Variants in PTPRT observed in about 807,000 individuals in gnomAD.
The protein encoded by PTPRT is protein tyrosine phosphatase receptor type T.
PTPRT carries 56 observed loss-of-function variants against 176.8 expected under a neutral mutation model. That is an observed-to-expected ratio of 0.32 (90% CI 0.26 to 0.40). PTPRT has a LOEUF of 0.40. Ranked by LOEUF, PTPRT falls within the 10% of genes least tolerant of loss-of-function variation. The pLI is 1.00. For missense variants in PTPRT, 1,540 were observed against 1,908.2 expected (o/e 0.81, Z 3.60); for synonymous variants, 783 against 739.0 (o/e 1.06, Z -0.96).
intron 6 of PTPRT, among the ~76,000 whole-genome samples, chr20:42,736,369 G>A (rs985531621): frequency 3.3e-5 from 5 of 152,332 alleles, no homozygotes; most frequent in South Asian, 2.1e-4. Context: ...AAAAGATATC[G>A]TGAAGGGCTT....
At chr20:42,136,105 A>G (rs888203951) in intron 18 of PTPRT, among the ~76,000 whole-genome samples, 1 of 152,140 alleles carries the variant, frequency 6.6e-6, no homozygotes. Context: ...TAAACCTGTC[A>G]TCTCAACCCA....
intron 13 of PTPRT, among the ~76,000 whole-genome samples, chr20:42,256,489 C>CT (rs2056641786): frequency 7.3e-6 from 1 of 137,168 alleles, no homozygotes; most frequent in African/African-American, 2.5e-5. Context: ...CTGTTGCTGA[C>CT]TTTTTTTAAA....
intron 7 of PTPRT, among the ~76,000 whole-genome samples, chr20:42,536,346 A>G (rs958635982): frequency 2.6e-5 from 4 of 152,202 alleles, no homozygotes; most frequent in African/African-American, 9.6e-5. Flanking sequence ...GATATTCCCA[A>G]GAAATTAAAT....
chr20:43,030,815 G>A (rs896539789), intron 1 of PTPRT, among the ~76,000 whole-genome samples: 17 of 152,144 alleles, frequency 1.1e-4, no homozygotes, highest in East Asian at 5.8e-4. Context: ...GGTAACATGA[G>A]ATTACAACAT....
chr20:42,870,844 TTTTG>T (rs1402560953), intron 2 of PTPRT, among the ~76,000 whole-genome samples: 5 of 152,228 alleles, frequency 3.3e-5, no homozygotes, highest in East Asian at 1.9e-4. Flanking sequence ...GTTTATTTCT[TTTTG>T]TTTGTCTTTT....
At chr20:42,524,401 A>C (rs185343968) in intron 7 of PTPRT, among the ~76,000 whole-genome samples, 1 of 152,194 alleles carries the variant, frequency 6.6e-6, no homozygotes, top group East Asian at 1.9e-4. Context: ...CATACTATCA[A>C]CCATGTATGC....
At chr20:42,340,979 A>C (rs768392986) in intron 11 of PTPRT, among the ~76,000 whole-genome samples, 24 of 151,994 alleles carry the variant, frequency 1.6e-4, no homozygotes, top group Non-Finnish European at 2.6e-4. Context: ...CTGCCCCTCC[A>C]TCCTTAGTCT....
rs78307863 is a variant in PTPRT at position 43,049,248 on chromosome 20, G to T, written c.88+140398C>A. Among the ~76,000 whole-genome samples the T allele has an allele frequency of 9.5e-4, 145 of 152,252 alleles. 3 individuals carry two copies. In the East Asian group the frequency reaches 0.025, roughly 26 times the overall value. On this transcript the variant is annotated intron_variant, in intron 1 of 30. Transcript: ENST00000373187. ...CTGTCAGTGCTTTTAATAAGAAAAAGTGTATATCCTTTGGATAAAGCAGAC... is the reference window on the plus strand; with the variant it reads ...CTGTCAGTGCTTTTAATAAGAAAAATTGTATATCCTTTGGATAAAGCAGAC...
At chr20:42,658,991 T>C (rs1342205052) in intron 7 of PTPRT, among the ~76,000 whole-genome samples, 1 of 152,172 alleles carries the variant, frequency 6.6e-6, no homozygotes, top group African/African-American at 2.4e-5. Context: ...AAGAAATGTC[T>C]CAAAATTTTG....
chr20:42,867,371 C>G (rs1048576263), intron 2 of PTPRT, among the ~76,000 whole-genome samples: 1 of 132,094 alleles, frequency 7.6e-6, no homozygotes, highest in Non-Finnish European at 1.6e-5. Flanking sequence ...TTCATTTCTT[C>G]TATGTGAAAA....
intron 1 of PTPRT, among the ~76,000 whole-genome samples, chr20:42,995,719 T>C (rs907529252): frequency 1.3e-5 from 2 of 152,188 alleles, no homozygotes; most frequent in Non-Finnish European, 2.9e-5. Context: ...AGAAATCCCA[T>C]GTCTAAAAGC....
At chr20:42,952,629 C>T (rs180692182) in intron 1 of PTPRT, among the ~76,000 whole-genome samples, 1 of 152,318 alleles carries the variant, frequency 6.6e-6, no homozygotes, top group Admixed American at 6.5e-5. Context: ...TGGAACACCA[C>T]CTGGAATACA....
rs147839711 is a variant in PTPRT, at chr20:42,771,474, A to T, written c.645T>A (p.Ala215=). The change falls in exon 5 of 31, where the codon GCT becomes GCA. Residue 215 remains alanine, a synonymous_variant. Transcript: ENST00000373187. ...VGQNATFQCI[A]GGKWSQHDKL... is the part of the protein sequence containing the mutation. The stretch of plus-strand genomic sequence containing the variant: ...TGTCATGCTGAGACCACTTCCCACC[A>T]GCAATGCACTGAAATGTGGCATTCT... 4.6e-3 allele frequency: 7,488 copies of T among 1,614,094 alleles called. 23 individuals carry two copies. The highest frequency in any genetic ancestry group is 5.6e-3 in the Non-Finnish European group (6,572 of 1,179,996).
intron 1 of PTPRT, among the ~76,000 whole-genome samples, chr20:42,933,882 C>T (rs1980017774): frequency 6.6e-6 from 1 of 152,190 alleles, no homozygotes; most frequent in Non-Finnish European, 1.5e-5. Context: ...TGATTTTTCT[C>T]AACCATAATA....
At chr20:42,979,165 T>G (rs1983133296) in intron 1 of PTPRT, among the ~76,000 whole-genome samples, 1 of 152,176 alleles carries the variant, frequency 6.6e-6, no homozygotes, top group Non-Finnish European at 1.5e-5. Flanking sequence ...AAGCTAATTT[T>G]TTTTCAGATT....
intron 1 of PTPRT, among the ~76,000 whole-genome samples, chr20:42,951,440 C>T (rs1347104176): frequency 6.6e-6 from 1 of 151,910 alleles, no homozygotes; most frequent in Non-Finnish European, 1.5e-5. Context: ...AGAGAAATCA[C>T]CCATCAGCAT....
At chr20:42,210,680 T>C (rs2055600817) in intron 15 of PTPRT, among the ~76,000 whole-genome samples, 2 of 151,174 alleles carry the variant, frequency 1.3e-5, no homozygotes, top group African/African-American at 4.8e-5. Flanking sequence ...TCCATGCTCA[T>C]GGGTAGGAAG....
chr20:42,199,482 C>T, intron 15 of PTPRT, 94 bp from the exon 16 acceptor site: 2 of 1,382,676 alleles, frequency 1.4e-6, no homozygotes, highest in East Asian at 2.3e-5. Context: ...TGCTCATCCT[C>T]AACCCCCAAA....
intron 6 of PTPRT, 88 bp from the exon 7 acceptor site, chr20:42,678,247 T>A (rs1298465890): frequency 1.6e-5 from 20 of 1,278,722 alleles, no homozygotes; most frequent in Non-Finnish European, 2.1e-5. Flanking sequence ...GACAGAATTC[T>A]TGATGTAGCC....
Sources: allele counts gnomAD v4.1 joint callset (sites outside exome capture counted in the v4.1 genomes callset), GRCh38; gene constraint gnomAD v4.1.1; transcripts MANE v1.5; gene names NCBI Gene and HGNC (gene_info 2026-07-23, HGNC 2026-07-21).